Variants in EMP2 observed in about 807,000 individuals in gnomAD.
EMP2 encodes the protein epithelial membrane protein 2.
A neutral mutation model predicts 13.7 loss-of-function variants in EMP2; 19 were observed. That is an observed-to-expected ratio of 1.38 (90% CI 0.97 to 2.03). The LOEUF is 2.03. EMP2 is among the 30% of genes most tolerant of loss of function. EMP2 has a pLI of 0.00. For synonymous variants in EMP2, 97 were observed against 84.7 expected (o/e 1.15, Z -0.80); for missense variants, 253 against 220.7 (o/e 1.15, Z -0.93).
In EMP2 at chr16:10,547,333, A is replaced by T; in HGVS notation, c.78+207T>A. The T allele has an allele frequency of 7.3e-6, 4 of 547,876 alleles. 1 individual carries two copies. In the Admixed American group the frequency reaches 1.3e-4, roughly 18 times the overall value. 33.9% of individuals were successfully genotyped at this position (547,876 alleles called of 1,614,324 possible). A position where few individuals can be genotyped will look rare whatever the true frequency, so the allele number is the denominator to read the frequency against. The stretch of plus-strand genomic sequence containing the variant: ...TGCACACGCTCTCTTGCCTGCCACC[A>T]TGTAAGATGTGGCTTTGCTCCTCCT... On this transcript the variant is annotated intron_variant, in intron 2 of 4. Transcript: ENST00000359543.
intron 1 of EMP2, among the ~76,000 whole-genome samples, chr16:10,549,448 T>C (rs570446913): frequency 1.3e-5 from 2 of 152,220 alleles, no homozygotes; most frequent in Non-Finnish European, 2.9e-5. Context: ...ATAAAATCTT[T>C]GAGTATTTTA....
intron 1 of EMP2, among the ~76,000 whole-genome samples, chr16:10,560,059 G>C (rs962684380): frequency 6.6e-6 from 1 of 152,156 alleles, no homozygotes; most frequent in African/African-American, 2.4e-5. Flanking sequence ...AGCTGGAGCT[G>C]GCATCTGAAC....
rs58665715 is a variant in EMP2, at chr16:10,571,255, CAAAAAAAAAAAA to C, written c.-61+9282_-61+9293del. 4.8e-4 allele frequency among the ~76,000 whole-genome samples: 16 copies of C among 33,434 alleles called. No homozygotes were observed. The East Asian group carries it at 9.8e-3, about 21-fold the overall frequency. 21.9% of individuals were successfully genotyped at this position (33,434 alleles called of 152,430 possible). On this transcript the variant is annotated intron_variant, in intron 1 of 4. Coordinates refer to ENST00000359543, the MANE Select transcript of EMP2 (RefSeq NM_001424.6). ...CTGGTGACAGAGCAAGACTCCGTCT[CAAAAAAAAAAAA>C]AAAAAAAAAAAAAAAAGAGTTGCAG...
intron 1 of EMP2, among the ~76,000 whole-genome samples, chr16:10,572,632 C>T (rs2050956177): frequency 6.6e-6 from 1 of 152,124 alleles, no homozygotes; most frequent in Non-Finnish European, 1.5e-5. Context: ...TCACAGAACT[C>T]CCAAGTTCAG....
At chr16:10,576,958 G>A (rs1427586921) in intron 1 of EMP2, among the ~76,000 whole-genome samples, 5 of 152,206 alleles carry the variant, frequency 3.3e-5, no homozygotes, top group African/African-American at 9.6e-5. Flanking sequence ...CTGCCTGAGC[G>A]GAGCTCTTGC....
intron 1 of EMP2, among the ~76,000 whole-genome samples, chr16:10,558,031 GT>G (rs558044947): frequency 0.021 from 2,973 of 139,418 alleles, 87 homozygotes; most frequent in African/African-American, 0.066. Context: ...TGAGTTTCAA[GT>G]TTTTTTTTTT....
intron 1 of EMP2, among the ~76,000 whole-genome samples, chr16:10,556,314 C>A (rs766720503): frequency 9.9e-5 from 15 of 152,076 alleles, no homozygotes; most frequent in Admixed American, 2.6e-4. Context: ...TCTTCTGTTG[C>A]AGAACCCCAA....
chr16:10,548,708 A>AAAAAT (rs567017300), intron 1 of EMP2, among the ~76,000 whole-genome samples: 231 of 152,246 alleles, frequency 1.5e-3, no homozygotes, highest in East Asian at 0.01. Flanking sequence ...AAATAAAAAT[A>AAAAAT]AAAATAAAAT....
At chr16:10,577,244 C>T (rs1226334512) in intron 1 of EMP2, among the ~76,000 whole-genome samples, 2 of 152,178 alleles carry the variant, frequency 1.3e-5, no homozygotes, top group East Asian at 1.9e-4. Flanking sequence ...AGGGCTGTCC[C>T]GAATGCAGTG....
chr16:10,530,722 G>A lies in EMP2; in HGVS notation c.*2183C>T, dbSNP rs3790124. 0.11 allele frequency: 16,336 copies of A among 152,120 alleles called. 1,000 individuals are homozygous for A. The highest frequency in any genetic ancestry group is 0.3 in the South Asian group (1,441 of 4,808). 9.4% of individuals were successfully genotyped at this position (152,120 alleles called of 1,614,324 possible). On this transcript the variant is annotated 3_prime_UTR_variant, in exon 5 of 5. Transcript: ENST00000359543. Reference sequence around the variant, plus strand: ...CCTCTGAATCAGCCTGTCCCAAGCAGCACGGGAACCCCTAAAGCTTGAAAA... The same window carrying A: ...CCTCTGAATCAGCCTGTCCCAAGCAACACGGGAACCCCTAAAGCTTGAAAA...
At chr16:10,570,224 C>CG (rs1373737918) in intron 1 of EMP2, among the ~76,000 whole-genome samples, 1 of 131,756 alleles carries the variant, frequency 7.6e-6, no homozygotes, top group East Asian at 2.2e-4. Flanking sequence ...AAAATGGTGG[C>CG]TTTTTTTTTT....
intron 2 of EMP2, chr16:10,545,338 C>T (rs145868605): frequency 9.2e-5 from 14 of 152,238 alleles, no homozygotes; most frequent in African/African-American, 3.1e-4. Flanking sequence ...TCTAGGACTC[C>T]CCAACCCATG....
chr16:10,554,584 C>T (rs2050813538), intron 1 of EMP2, among the ~76,000 whole-genome samples: 1 of 152,164 alleles, frequency 6.6e-6, no homozygotes, highest in African/African-American at 2.4e-5. Context: ...GACTGGTCCA[C>T]CAAGCCCAGG....
At chr16:10,548,475 T>A (rs537297203) in intron 1 of EMP2, among the ~76,000 whole-genome samples, 2 of 152,290 alleles carry the variant, frequency 1.3e-5, no homozygotes, top group Admixed American at 1.3e-4. Context: ...AGGATGTTAA[T>A]TAAGCCCAGG....
chr16:10,556,039 C>T (rs2050825640), intron 1 of EMP2, among the ~76,000 whole-genome samples: 1 of 152,060 alleles, frequency 6.6e-6, no homozygotes, highest in South Asian at 2.1e-4. Flanking sequence ...CATTTGCACC[C>T]CATCTCCTTC....
At chr16:10,541,878 G>C (rs1333323877) in intron 3 of EMP2, among the ~76,000 whole-genome samples, 1 of 152,168 alleles carries the variant, frequency 6.6e-6, no homozygotes, top group African/African-American at 2.4e-5. Context: ...GGGGCTATGA[G>C]ATCACCTATG....
In EMP2 at chr16:10,547,521, G is replaced by A. The variant is rs777457115; in HGVS notation, c.78+19C>T. ...GCAGGACCCAGGTTTCTGCGTGAGTGGCAGGAAAGGAAACTTACATTGTCG... is the reference window on the plus strand; with the variant it reads ...GCAGGACCCAGGTTTCTGCGTGAGTAGCAGGAAAGGAAACTTACATTGTCG... On this transcript the variant is annotated intron_variant, in intron 2 of 4. Coordinates refer to ENST00000359543, the MANE Select transcript of EMP2 (RefSeq NM_001424.6). 5 of 1,613,332 alleles carry A rather than the reference G, an allele frequency of 3.1e-6. No individual in the cohort carries two copies. The highest frequency in any genetic ancestry group is 2.2e-5 in the South Asian group (2 of 90,974).
chr16:10,538,518 G>A (rs2279871), intron 3 of EMP2, among the ~76,000 whole-genome samples: 121,284 of 152,092 alleles, frequency 0.8, 48,490 homozygotes, highest in South Asian at 0.85. Context: ...GACCTTGTGA[G>A]GTGCTCTGTG....
chr16:10,537,853 T>A, intron 4 of EMP2, 75 bp downstream of exon 4: 1 of 1,574,714 alleles, frequency 6.4e-7, no homozygotes, highest in South Asian at 1.2e-5. Flanking sequence ...TCCTCCTGGC[T>A]TCCCTCCTGG....
Sources: allele counts gnomAD v4.1 joint callset (sites outside exome capture counted in the v4.1 genomes callset), GRCh38; gene constraint gnomAD v4.1.1; transcripts MANE v1.5; gene names NCBI Gene and HGNC (gene_info 2026-07-23, HGNC 2026-07-21).